Variants in PTPRD observed in about 807,000 individuals in gnomAD.
PTPRD encodes receptor-type tyrosine-protein phosphatase delta.
A neutral mutation model predicts 214.5 loss-of-function variants in PTPRD; 34 were observed. The observed-to-expected ratio is 0.16, with a 90% CI of 0.12 to 0.21. The LOEUF (loss-of-function observed/expected upper bound fraction) is 0.21. Among genes scored for constraint, PTPRD ranks in the 10% least tolerant of loss-of-function variants. The probability of loss-of-function intolerance (pLI) is 1.00; values close to 1 mark genes in which losing one functional copy is unlikely to be tolerated. For synonymous variants in PTPRD, 1,128 were observed against 845.7 expected (o/e 1.33, Z -5.79); for missense variants, 2,545 against 2,398.7 (o/e 1.06, Z -1.27).
chr9:8,977,067 G>C (rs1167670436), intron 11 of PTPRD, among the ~76,000 whole-genome samples: 1 of 151,962 alleles, frequency 6.6e-6, no homozygotes, highest in Non-Finnish European at 1.5e-5. Flanking sequence ...CTTCTGTTAC[G>C]CATCCTCTTA....
intron 3 of PTPRD, among the ~76,000 whole-genome samples, chr9:10,128,695 C>T (rs2098837530): frequency 6.6e-6 from 1 of 152,128 alleles, no homozygotes; most frequent in Non-Finnish European, 1.5e-5. Flanking sequence ...CCTGTTTTCT[C>T]TCTGCGATAC....
At chr9:9,869,970 G>T (rs549181441) in intron 5 of PTPRD, among the ~76,000 whole-genome samples, 1 of 151,972 alleles carries the variant, frequency 6.6e-6, no homozygotes, top group African/African-American at 2.4e-5. Context: ...ACTGTAGCAT[G>T]TGTATATATG....
chr9:9,407,133 T>G (rs2073765516), intron 8 of PTPRD, among the ~76,000 whole-genome samples: 1 of 151,792 alleles, frequency 6.6e-6, no homozygotes, highest in Non-Finnish European at 1.5e-5. Flanking sequence ...ATTACCTGAT[T>G]TATAATACTG....
chr9:8,843,238 G>A (rs142344858), intron 11 of PTPRD, among the ~76,000 whole-genome samples: 95 of 152,266 alleles, frequency 6.2e-4, no homozygotes, highest in African/African-American at 2.1e-3. Context: ...ACTTCACATC[G>A]GGCTGGTACA....
At chr9:10,098,004 A>G (rs950360645) in intron 3 of PTPRD, among the ~76,000 whole-genome samples, 1 of 151,842 alleles carries the variant, frequency 6.6e-6, no homozygotes, top group Non-Finnish European at 1.5e-5. Context: ...TACATACCCA[A>G]AGGATTATAA....
At chr9:9,458,967 A>G (rs1247152161) in intron 8 of PTPRD, among the ~76,000 whole-genome samples, 1 of 152,042 alleles carries the variant, frequency 6.6e-6, no homozygotes, top group Non-Finnish European at 1.5e-5. Context: ...ACACATACAC[A>G]TACACAAAAG....
At chr9:8,819,981 C>T (rs2890829) in intron 11 of PTPRD, among the ~76,000 whole-genome samples, 56 of 151,906 alleles carry the variant, frequency 3.7e-4, no homozygotes, top group African/African-American at 1.3e-3. Flanking sequence ...CTTGTTTCAA[C>T]ATTCTTAAAG....
chr9:9,676,342 G>C (rs2096929560), intron 7 of PTPRD, among the ~76,000 whole-genome samples: 2 of 137,404 alleles, frequency 1.5e-5, no homozygotes, highest in Admixed American at 8.7e-5. Flanking sequence ...TGTTCTCATT[G>C]TTCAATTCCC....
At chr9:9,321,618 A>T (rs917392863) in intron 9 of PTPRD, among the ~76,000 whole-genome samples, 1 of 151,810 alleles carries the variant, frequency 6.6e-6, no homozygotes, top group Non-Finnish European at 1.5e-5. Context: ...TTTTCCATAA[A>T]ACACATTCTA....
intron 9 of PTPRD, among the ~76,000 whole-genome samples, chr9:9,201,238 G>A (rs977490955): frequency 2.6e-5 from 4 of 152,032 alleles, no homozygotes; most frequent in African/African-American, 9.7e-5. Flanking sequence ...GAAACAGGCA[G>A]CATTAAAAAA....
At chr9:8,876,930 TTCTTTA>T (rs2098397687) in intron 11 of PTPRD, among the ~76,000 whole-genome samples, 1 of 151,302 alleles carries the variant, frequency 6.6e-6, no homozygotes, top group South Asian at 2.1e-4. Context: ...TTTTTTCTTT[TTCTTTA>T]TTTTTTTTTG....
chr9:9,701,953 T>A (rs1044127456), intron 7 of PTPRD, among the ~76,000 whole-genome samples: 3 of 152,040 alleles, frequency 2.0e-5, no homozygotes, highest in Non-Finnish European at 4.4e-5. Flanking sequence ...ACTCCGTCTC[T>A]ACTAAAAATA....
At chr9:9,780,681 G>T (rs1000409445) in intron 5 of PTPRD, among the ~76,000 whole-genome samples, 1 of 152,148 alleles carries the variant, frequency 6.6e-6, no homozygotes, top group Non-Finnish European at 1.5e-5. Context: ...ACACACCTAG[G>T]TATTTATCAG....
At chr9:8,742,632 G>A (rs776126334) in intron 11 of PTPRD, among the ~76,000 whole-genome samples, 7 of 152,026 alleles carry the variant, frequency 4.6e-5, no homozygotes, top group Non-Finnish European at 8.8e-5. Flanking sequence ...TCTTTACTAT[G>A]AAAAGCAATT....
chr9:8,845,693 T>C (rs1011303846), intron 11 of PTPRD, among the ~76,000 whole-genome samples: 3 of 152,198 alleles, frequency 2.0e-5, no homozygotes, highest in African/African-American at 7.2e-5. Flanking sequence ...CAGCTCAACA[T>C]AAACAAGAGG....
intron 7 of PTPRD, among the ~76,000 whole-genome samples, chr9:9,594,376 T>A (rs537473095): frequency 6.6e-6 from 1 of 152,148 alleles, no homozygotes; most frequent in African/African-American, 2.4e-5. Context: ...GTTTTTCCAA[T>A]GTTAGCTTGT....
intron 11 of PTPRD, among the ~76,000 whole-genome samples, chr9:8,791,523 C>CTTTTTTTTTTTTTTT (rs34501354): frequency 1.2e-5 from 1 of 86,700 alleles, no homozygotes; most frequent in Non-Finnish European, 2.2e-5. Context: ...CATGCCCAGA[C>CTTTTTTTTTTTTTTT]TTTTTTTTTT....
At chr9:8,642,531 GAGA>G (rs1465112267) in intron 12 of PTPRD, among the ~76,000 whole-genome samples, 3 of 152,180 alleles carry the variant, frequency 2.0e-5, no homozygotes, top group African/African-American at 7.2e-5. Context: ...TAGAATTTAT[GAGA>G]AGATCAGCTG....
At chr9:8,738,389 T>C (rs992010246) in intron 11 of PTPRD, among the ~76,000 whole-genome samples, 18 of 149,220 alleles carry the variant, frequency 1.2e-4, no homozygotes, top group East Asian at 1.9e-4. Flanking sequence ...TATACTGTTA[T>C]TTGTGTCTAA....
Sources: allele counts gnomAD v4.1 joint callset (sites outside exome capture counted in the v4.1 genomes callset), GRCh38; gene constraint gnomAD v4.1.1; transcripts MANE v1.5; gene names NCBI Gene and HGNC (gene_info 2026-07-23, HGNC 2026-07-21).